The following ADAMTSL5 variants were observed in gnomAD, a reference collection of about 807,000 sequenced individuals.
ADAMTSL5 encodes ADAMTS like 5, also known as ADAMTS-like protein 5.
In ADAMTSL5, 53 loss-of-function variants were observed where a neutral mutation model predicts 51.7. That is an observed-to-expected ratio of 1.03 (90% CI 0.82 to 1.29). The LOEUF is 1.29. ADAMTSL5 is among the 50% of genes most tolerant of loss of function. ADAMTSL5 has a pLI of 0.00. For synonymous variants in ADAMTSL5, 285 were observed against 278.7 expected (o/e 1.02, Z -0.23); for missense variants, 770 against 676.2 (o/e 1.14, Z -1.54).
Position 1,507,299 on chromosome 19 carries a change from T to C in ADAMTSL5, c.795A>G (p.Thr265=). ...CTGCTTGCAATGTCTCCTGGGGCCCTGTGTCTCGGGTGTAGACCACATGCG... is the reference window on the plus strand; with the variant it reads ...CTGCTTGCAATGTCTCCTGGGGCCCCGTGTCTCGGGTGTAGACCACATGCG... ...AGTHVVYTRD[T]GPQETLQAAG... The change falls in exon 9 of 12, where the codon ACA becomes ACG. Residue 265 remains threonine, a synonymous_variant. Coordinates refer to ENST00000330475, the MANE Select transcript of ADAMTSL5 (RefSeq NM_213604.3). 1 of 1,586,284 alleles carries C rather than the reference T, an allele frequency of 6.3e-7. No homozygotes were observed. Among genetic ancestry groups the C allele is most frequent in the Non-Finnish European group, 8.6e-7 (1 of 1,165,736 alleles).
intron 5 of ADAMTSL5, among the ~76,000 whole-genome samples, chr19:1,509,906 T>C (rs764303435): frequency 3.3e-5 from 5 of 152,174 alleles, no homozygotes; most frequent in Non-Finnish European, 5.9e-5. Flanking sequence ...AGTGTTGGCC[T>C]CTGGATACAG....
In ADAMTSL5 at chr19:1,511,577, C is replaced by T; in HGVS notation, c.-217-417G>A. On this transcript the variant is annotated intron_variant, in intron 1 of 11. Transcript: ENST00000330475. The stretch of plus-strand genomic sequence containing the variant: ...TTCAAAAATAGTACACAGGTGCCTC[C>T]TAGGGCTGGGGCCCCCTCCCCGCCC... 2.4e-6 allele frequency: 3 copies of T among 1,254,892 alleles called. No homozygotes were observed. The South Asian group carries it at 3.9e-5, about 16-fold the overall frequency. The allele number at this position is 1,254,892 out of a possible 1,614,324, so 77.7% of individuals were successfully genotyped here.
Position 1,510,837 on chromosome 19 carries a change from C to T in ADAMTSL5, c.99+8G>A, listed in dbSNP as rs1568245147. 1 of 1,544,610 alleles carries T rather than the reference C, an allele frequency of 6.5e-7. No homozygotes were observed. The highest frequency in any genetic ancestry group is 8.7e-7 in the Non-Finnish European group (1 of 1,152,008). On this transcript the variant is annotated splice_region_variant and intron_variant, in intron 2 of 11. Transcript: ENST00000330475. ...CTCGCCACCCCCTGGGCTCATGCCC[C>T]CCCTTACCTGAGCACTGACCCCCAA... is the stretch of plus-strand genomic sequence containing the variant.
rs749660942 is a variant in ADAMTSL5, at chr19:1,510,423, G to T, written c.197C>A (p.Pro66His). 7 of 1,611,032 alleles carry T rather than the reference G, an allele frequency of 4.3e-6. No homozygotes were observed. Among genetic ancestry groups the T allele is most frequent in the Non-Finnish European group, 5.1e-6 (6 of 1,179,480 alleles). The change falls in exon 4 of 12, where the codon CCT becomes CAT. Residue 66 changes from proline (P) to histidine (H), a missense_variant. Pro to His is a moderately conservative substitution (Grantham distance 77, BLOSUM62 -2). Coordinates refer to ENST00000330475, the MANE Select transcript of ADAMTSL5 (RefSeq NM_213604.3). ...GTCTCCCCAGCACGGTTCTTCCCCA[G>T]GAAGCCTGAAGGGAGACAGAGTGTG... ...SVRSRRCLRL[P>H]GEEPCWGDSH...
rs1303365854 is a variant in ADAMTSL5, at chr19:1,506,021, A to C, written c.1410T>G (p.Pro470=). ...SRIRLTARRC[P]G is the part of the protein sequence containing the mutation. ...CCGGGGCTCCTGCAGGGGCTCAGCC[A>C]GGACAGCGCCGGGCAGTCAGGCGTA... Residue 470 remains proline, a synonymous_variant, in exon 12 of 12, where the codon CCT becomes CCG. Transcript: ENST00000330475. This position sits in a 1 kb window ranked among gnomAD's most constrained non-coding sequence, Gnocchi z 5.6. 1 of 1,562,660 alleles carries C rather than the reference A, an allele frequency of 6.4e-7. No individual in the cohort carries two copies. The highest frequency in any genetic ancestry group is 8.6e-7 in the Non-Finnish European group (1 of 1,162,006).
At chr19:1,509,821 C>T (rs766061407) in intron 5 of ADAMTSL5, among the ~76,000 whole-genome samples, 98 of 152,092 alleles carry the variant, frequency 6.4e-4, no homozygotes, top group Non-Finnish European at 9.7e-4. Context: ...CGCACTGACC[C>T]GGGCACGTAG....
At chr19:1,511,185 A>G in intron 1 of ADAMTSL5, 25 bp from the exon 2 acceptor site, 1 of 291,388 alleles carries the variant, frequency 3.4e-6, no homozygotes. Flanking sequence ...GTTGTTAGTT[A>G]GTTTGTTTTT....
In ADAMTSL5 at chr19:1,505,313, A is replaced by G. The variant is rs1250771926; in HGVS notation, c.*702T>C. On this transcript the variant is annotated 3_prime_UTR_variant, in exon 12 of 12. Coordinates refer to ENST00000330475, the MANE Select transcript of ADAMTSL5 (RefSeq NM_213604.3). ...AGCCCAGGAATTTGAGGCTGCAGTG[A>G]GCCATGATTGCACCACCGCACTTCA... 6.6e-6 allele frequency: 1 copy of G among 151,506 alleles called. No homozygotes were observed. The highest frequency in any genetic ancestry group is 2.4e-5 in the African/African-American group (1 of 41,178). The allele number at this position is 151,506 out of a possible 1,614,324, so 9.4% of individuals were successfully genotyped here.
chr19:1,506,993 C>G lies in ADAMTSL5; in HGVS notation c.853-65G>C, dbSNP rs1366825754. ...CTGGGGTTGCCTCCTGCCTCTGACC[C>G]TACGACCCCAGCCTCCCCACTTTGA... is the stretch of plus-strand genomic sequence containing the variant. On this transcript the variant is annotated intron_variant, in intron 9 of 11. Transcript: ENST00000330475. The surrounding 1 kb of genome is among the most constrained non-coding windows in gnomAD (Gnocchi z 5.6). The G allele has an allele frequency of 6.8e-7, 1 of 1,472,506 alleles. No homozygotes were observed. The highest frequency in any genetic ancestry group is 9.1e-7 in the Non-Finnish European group (1 of 1,096,416). The allele number at this position is 1,472,506 out of a possible 1,614,324, so 91.2% of individuals were successfully genotyped here.
Position 1,506,299 on chromosome 19 carries a change from G to GC in ADAMTSL5, c.1131dup (p.Leu378AlafsTer13), listed in dbSNP as rs1289131326. On this transcript the variant is annotated frameshift_variant, in exon 12 of 12. Coordinates refer to ENST00000330475, the MANE Select transcript of ADAMTSL5 (RefSeq NM_213604.3). LOFTEE classifies it high-confidence loss of function. The surrounding 1 kb of genome is among the most constrained non-coding windows in gnomAD (Gnocchi z 5.6). ...TCCTGGGCCTGGTGGTGGTGGCCCA[G>GC]CACTCGGGCCTGGAACACTGTTGAG... 5.2e-6 allele frequency: 8 copies of GC among 1,548,262 alleles called. 1 individual carries two copies. The highest frequency in any genetic ancestry group is 2.7e-5 in the African/African-American group (2 of 73,420).
chr19:1,511,116 G>A lies in ADAMTSL5; in HGVS notation c.-173C>T. On this transcript the variant is annotated 5_prime_UTR_variant, in exon 2 of 12. Coordinates refer to ENST00000330475, the MANE Select transcript of ADAMTSL5 (RefSeq NM_213604.3). ...TCCTGTGGATCAGGTAAAGAAGACA[G>A]GAGACGTGGAGCCCGGTATGGAGAG... The A allele has an allele frequency of 2.3e-6, 1 of 430,286 alleles. No individual in the cohort carries two copies. Among genetic ancestry groups the A allele is most frequent in the South Asian group, 9.5e-5 (1 of 10,532 alleles). The allele number at this position is 430,286 out of a possible 1,614,324, so 26.7% of individuals were successfully genotyped here. A position where few individuals can be genotyped will look rare whatever the true frequency, so the allele number is the denominator to read the frequency against.
intron 1 of ADAMTSL5, among the ~76,000 whole-genome samples, chr19:1,512,100 G>T (rs927221483): frequency 1.3e-5 from 2 of 152,158 alleles, no homozygotes; most frequent in Non-Finnish European, 2.9e-5. Context: ...AAAGAGGGGG[G>T]AAGGGAAGCA....
chr19:1,506,631 C>T lies in ADAMTSL5; in HGVS notation c.1073G>A (p.Gly358Asp), dbSNP rs761294066. 2 of 1,610,982 alleles carry T rather than the reference C, an allele frequency of 1.2e-6. No homozygotes were observed. Among genetic ancestry groups the T allele is most frequent in the Non-Finnish European group, 1.7e-6 (2 of 1,179,132 alleles). Residue 358 changes from glycine to aspartate, a missense_variant, in exon 11 of 12, where the codon GGC (glycine) becomes GAC (aspartate). Physicochemically the swap from Gly to Asp is moderately conservative, Grantham distance 94. Transcript: ENST00000330475. The surrounding 1 kb of genome is among the most constrained non-coding windows in gnomAD (Gnocchi z 5.6). ...DPCPPCPDTRGRAHRLLHYCG... is the reference protein window; with the variant it reads ...DPCPPCPDTRDRAHRLLHYCG... ...ATAGTGGAGTAGTCGGTGGGCGCGGCCGCGGGTGTCAGGGCAGGGTGGGCA... is the reference window on the plus strand; with the variant it reads ...ATAGTGGAGTAGTCGGTGGGCGCGGTCGCGGGTGTCAGGGCAGGGTGGGCA...
intron 7 of ADAMTSL5, 140 bp downstream of exon 7, chr19:1,507,858 T>C (rs997909431): frequency 4.8e-6 from 5 of 1,047,490 alleles, no homozygotes; most frequent in Middle Eastern, 2.1e-4. Context: ...CGGGACAATC[T>C]GTCAGTAGCC....
In ADAMTSL5 at chr19:1,506,549, G is replaced by A; in HGVS notation, c.1114+41C>T. 1 of 1,594,140 alleles carries A rather than the reference G, an allele frequency of 6.3e-7. No individual in the cohort carries two copies. The highest frequency in any genetic ancestry group is 8.6e-7 in the Non-Finnish European group (1 of 1,169,314). ...GGGTCAGAGGTCAGGAGGAGGCCAG[G>A]TTAGTAGGGGCTAAGTCAGGGTAGA... On this transcript the variant is annotated intron_variant, in intron 11 of 11. Transcript: ENST00000330475. The surrounding 1 kb of genome is among the most constrained non-coding windows in gnomAD (Gnocchi z 5.6).
intron 1 of ADAMTSL5, among the ~76,000 whole-genome samples, chr19:1,512,431 A>G (rs897422442): frequency 4.0e-4 from 61 of 152,336 alleles, no homozygotes; most frequent in African/African-American, 1.4e-3. Context: ...CTGTAATCCC[A>G]GCACTTTGGG....
At position 1,506,064 on chromosome 19, in the gene ADAMTSL5, G is replaced by A. The variant is rs200029215; in HGVS notation, c.1367C>T (p.Pro456Leu). ...CAGGCGTATGCGGCTGTCCTCCGCA[G>A]GGCTCCAGGGCCGGGCGTAGCCGGC... ...PHAGYARPWS[P>L]AEDSRIRLTA... The change falls in exon 12 of 12, where the codon CCT (proline) becomes CTT (leucine). Residue 456 changes from proline (P) to leucine (L), a missense_variant. By Grantham distance (98) the Pro-to-Leu change is moderately conservative (BLOSUM62 -3). Coordinates refer to ENST00000330475, the MANE Select transcript of ADAMTSL5 (RefSeq NM_213604.3). This position sits in a 1 kb window ranked among gnomAD's most constrained non-coding sequence, Gnocchi z 5.6. 1,121 of 1,594,622 alleles carry A rather than the reference G, an allele frequency of 7.0e-4. No homozygotes were observed. The highest frequency in any genetic ancestry group is 1.9e-3 in the Middle Eastern group (11 of 5,644).
chr19:1,509,331 G>A (rs1178170512), intron 5 of ADAMTSL5, among the ~76,000 whole-genome samples: 1 of 147,034 alleles, frequency 6.8e-6, no homozygotes, highest in African/African-American at 2.5e-5. Context: ...TGAAGTGTTT[G>A]TCCAGTACTG....
At chr19:1,509,675 G>A (rs1913155974) in intron 5 of ADAMTSL5, among the ~76,000 whole-genome samples, 2 of 151,870 alleles carry the variant, frequency 1.3e-5, no homozygotes, top group African/African-American at 2.4e-5. Flanking sequence ...GAAAGGGAAG[G>A]AAGGGAAGGA....
Sources: gnomAD v4.1 joint callset for allele counts (sites outside exome capture counted in the v4.1 genomes callset) on GRCh38, gnomAD v4.1.1 for gene constraint, Gnocchi (gnomAD v3.1) non-coding constraint, MANE v1.5 for transcripts, NCBI Gene and HGNC (gene_info 2026-07-23, HGNC 2026-07-21) for gene names.